CDH12: variants seen among roughly 807,000 people sequenced by gnomAD.
CDH12 encodes the protein cadherin-12.
Under a neutral mutation model 74.1 loss-of-function variants are expected in CDH12, and 41 were observed. The ratio of observed to expected loss-of-function variants is 0.55; its 90% CI spans 0.43 to 0.72. The LOEUF (loss-of-function observed/expected upper bound fraction) is 0.72, where lower values mean the gene tolerates loss of function less well. Ranked by LOEUF, CDH12 falls within the 30% of genes least tolerant of loss-of-function variation. CDH12 has a pLI of 0.00. For missense variants in CDH12, 945 were observed against 977.2 expected (o/e 0.97, Z 0.44); for synonymous variants, 399 against 355.0 (o/e 1.12, Z -1.39).
chr5:21,982,796 T>C, intron 5 of CDH12, among the ~76,000 whole-genome samples: 1 of 152,174 alleles, frequency 6.6e-6, no homozygotes, highest in East Asian at 1.9e-4. Flanking sequence ...ATTAGAACAA[T>C]GTAAACCTTT....
chr5:22,477,089 T>C (rs1054050662), intron 2 of CDH12, among the ~76,000 whole-genome samples: 4 of 152,178 alleles, frequency 2.6e-5, no homozygotes, highest in Non-Finnish European at 5.9e-5. Flanking sequence ...ACTGTTTATG[T>C]TTTCTTAACT....
intron 10 of CDH12, among the ~76,000 whole-genome samples, chr5:21,800,645 T>C (rs1053873520): frequency 3.3e-5 from 5 of 152,158 alleles, no homozygotes; most frequent in African/African-American, 1.2e-4. Context: ...ACTGTGTTTG[T>C]TACTTAAGTC....
At chr5:22,280,744 C>A (rs1308657166) in intron 3 of CDH12, among the ~76,000 whole-genome samples, 1 of 151,976 alleles carries the variant, frequency 6.6e-6, no homozygotes, top group African/African-American at 2.4e-5. Flanking sequence ...GCTTACCAAT[C>A]AAAAAAAGTC....
At chr5:22,625,003 C>T (rs1004507809) in intron 1 of CDH12, among the ~76,000 whole-genome samples, 1 of 152,152 alleles carries the variant, frequency 6.6e-6, no homozygotes, top group African/African-American at 2.4e-5. Flanking sequence ...AGTTCATGTC[C>T]TTTGTAGGGA....
At chr5:22,015,183 C>G (rs1413690385) in intron 5 of CDH12, among the ~76,000 whole-genome samples, 2 of 152,134 alleles carry the variant, frequency 1.3e-5, no homozygotes, top group Non-Finnish European at 2.9e-5. Context: ...CATTAGCTAA[C>G]TTTGCAGTTC....
At chr5:22,227,963 T>C (rs1752252307) in intron 3 of CDH12, among the ~76,000 whole-genome samples, 1 of 152,152 alleles carries the variant, frequency 6.6e-6, no homozygotes, top group South Asian at 2.1e-4. Context: ...ACTTTTTCCA[T>C]AGGCAGTGCA....
intron 3 of CDH12, among the ~76,000 whole-genome samples, chr5:22,225,928 GCAA>G (rs1752179331): frequency 6.6e-6 from 1 of 151,936 alleles, no homozygotes; most frequent in Non-Finnish European, 1.5e-5. Flanking sequence ...AACAACAGCA[GCAA>G]CAACAAAAAC....
intron 4 of CDH12, among the ~76,000 whole-genome samples, chr5:22,188,851 G>A (rs978715663): frequency 3.5e-4 from 53 of 152,290 alleles, no homozygotes; most frequent in African/African-American, 1.3e-3. Flanking sequence ...TGCATCAAGA[G>A]GCGATGCTGG....
chr5:22,589,447 C>T (rs539533040), intron 1 of CDH12, among the ~76,000 whole-genome samples: 19 of 152,280 alleles, frequency 1.2e-4, no homozygotes, highest in African/African-American at 3.8e-4. Flanking sequence ...AAACCTGTCA[C>T]GTTGTTCTCT....
At chr5:22,565,862 T>C (rs977614871) in intron 1 of CDH12, among the ~76,000 whole-genome samples, 2 of 152,156 alleles carry the variant, frequency 1.3e-5, no homozygotes, top group African/African-American at 4.8e-5. Flanking sequence ...TTTTATTTTT[T>C]ATCAGGACAC....
At chr5:22,494,062 T>C (rs1350260444) in intron 2 of CDH12, among the ~76,000 whole-genome samples, 2 of 152,068 alleles carry the variant, frequency 1.3e-5, no homozygotes, top group Non-Finnish European at 2.9e-5. Flanking sequence ...AGGGCTGTGG[T>C]TGAGAATGAA....
intron 2 of CDH12, among the ~76,000 whole-genome samples, chr5:22,445,832 G>A (rs190838985): frequency 6.6e-6 from 1 of 152,194 alleles, no homozygotes; most frequent in Non-Finnish European, 1.5e-5. Context: ...TGCATCCTCT[G>A]TTCTCACATC....
intron 1 of CDH12, among the ~76,000 whole-genome samples, chr5:22,517,107 C>T (rs1400445127): frequency 6.6e-6 from 1 of 151,688 alleles, no homozygotes; most frequent in Non-Finnish European, 1.5e-5. Flanking sequence ...TAAAAACAGA[C>T]CATTAGATCT....
intron 6 of CDH12, among the ~76,000 whole-genome samples, chr5:21,914,741 C>T (rs759844111): frequency 1.3e-5 from 2 of 152,136 alleles, no homozygotes; most frequent in Non-Finnish European, 2.9e-5. Flanking sequence ...ATCTCCTTTA[C>T]TTAAAGTCAA....
At chr5:21,784,059 T>C (rs1054215560) in intron 10 of CDH12, among the ~76,000 whole-genome samples, 5 of 152,166 alleles carry the variant, frequency 3.3e-5, no homozygotes, top group African/African-American at 4.8e-5. Context: ...TGTTGTTTCA[T>C]TGATGTTTTA....
intron 4 of CDH12, among the ~76,000 whole-genome samples, chr5:22,079,898 G>GA (rs1455235444): frequency 4.3e-4 from 53 of 122,662 alleles, no homozygotes; most frequent in African/African-American, 2.2e-3. Context: ...TTATGCAAAT[G>GA]GAAAAAAAAA....
intron 1 of CDH12, among the ~76,000 whole-genome samples, chr5:22,774,403 T>A (rs1255193210): frequency 4.6e-5 from 7 of 152,120 alleles, no homozygotes; most frequent in Admixed American, 4.6e-4. Context: ...TGTTCTCCCT[T>A]ACAAGTGGGA....
chr5:22,516,252 C>A (rs1736802046), intron 1 of CDH12, among the ~76,000 whole-genome samples: 1 of 151,978 alleles, frequency 6.6e-6, no homozygotes, highest in African/African-American at 2.4e-5. Context: ...CCCTCCAATA[C>A]AAATAATTTG....
chr5:22,843,111 A>G (rs1737150133), intron 1 of CDH12, among the ~76,000 whole-genome samples: 2 of 152,094 alleles, frequency 1.3e-5, no homozygotes, highest in African/African-American at 4.8e-5. Flanking sequence ...ATAACCATTA[A>G]TGAATATATC....
Sources: gnomAD v4.1 joint callset for allele counts (sites outside exome capture counted in the v4.1 genomes callset) on GRCh38, gnomAD v4.1.1 for gene constraint, MANE v1.5 for transcripts, NCBI Gene and HGNC (gene_info 2026-07-23, HGNC 2026-07-21) for gene names.